The following CACNA1F variants were observed in gnomAD, a reference collection of about 807,000 sequenced individuals.
CACNA1F encodes the protein voltage-dependent L-type calcium channel subunit alpha-1F.
A neutral mutation model predicts 143.8 loss-of-function variants in CACNA1F; 59 were observed. The observed-to-expected ratio is 0.41, with a 90% CI of 0.33 to 0.51. The LOEUF (loss-of-function observed/expected upper bound fraction) is 0.51, where lower values mean the gene tolerates loss of function less well. CACNA1F is among the 20% of genes least tolerant of loss of function. CACNA1F has a pLI of 0.22. For missense variants in CACNA1F, 1,411 were observed against 1,647.5 expected (o/e 0.86, Z 2.48); for synonymous variants, 643 against 649.1 (o/e 0.99, Z 0.14).
chrX:49,216,043 C>T (rs1375366538), intron 27 of CACNA1F, among the ~76,000 whole-genome samples: 1 of 110,141 alleles, frequency 9.1e-6, no homozygotes, highest in Non-Finnish European at 1.9e-5. Context: ...TTCATCTCTT[C>T]AGAGACCAAT....
intron 42 of CACNA1F, chrX:49,209,024 A>C (rs2065628085): frequency 2.4e-6 from 1 of 410,520 alleles, no homozygotes; most frequent in Non-Finnish European, 4.2e-6. Flanking sequence ...AGGCGGTTTC[A>C]CTATTTTGCC....
Position 49,206,501 on chromosome X carries a change from A to G in CACNA1F, c.5472+10T>C, listed in dbSNP as rs2065597624. Reference sequence around the variant, plus strand: ...GACCCCAGACCCCAGCACCACCTCCACAGCCTCACCTGAGCCCTATTGGGC... The same window carrying G: ...GACCCCAGACCCCAGCACCACCTCCGCAGCCTCACCTGAGCCCTATTGGGC... On this transcript the variant is annotated intron_variant, in intron 46 of 47. Coordinates refer to ENST00000323022, the MANE Select transcript of CACNA1F (RefSeq NM_001256789.3). 8.6e-7 allele frequency: 1 copy of G among 1,162,385 alleles called. No individual in the cohort carries two copies.
chrX:49,229,109 T>C (rs2065852790), intron 6 of CACNA1F, among the ~76,000 whole-genome samples: 1 of 112,314 alleles, frequency 8.9e-6, no homozygotes, highest in Non-Finnish European at 1.9e-5. Context: ...GGTCTGAGTG[T>C]ATGAGAACAG....
At chrX:49,228,005 G>A (rs782012987) in intron 8 of CACNA1F, 31 bp downstream of exon 8, 1 of 1,046,152 alleles carries the variant, frequency 9.6e-7, no homozygotes, top group East Asian at 3.0e-5. Context: ...TGGCTGAGGG[G>A]TGGGAAGCAG....
intron 2 of CACNA1F, 85 bp downstream of exon 2, chrX:49,231,593 C>T: frequency 8.9e-7 from 1 of 1,126,549 alleles, no homozygotes; most frequent in Non-Finnish European, 1.2e-6. Flanking sequence ...CTCAGCCCTC[C>T]TCTGTTCCAG....
rs1162493386 is a variant in CACNA1F, at chrX:49,216,435, G to A, written c.3183C>T (p.Val1061=). 8.3e-7 allele frequency: 1 copy of A among 1,208,449 alleles called. No homozygotes were observed. Among genetic ancestry groups the A allele is most frequent in the Non-Finnish European group, 1.1e-6 (1 of 893,967 alleles). ...WVNSDFNFDN[V]LSAMMALFTV... ...TGAACAGGGCCATCATGGCTGAAAG[G>A]ACATTGTCAAAGTTGAAATCACTGT... The change falls in exon 27 of 48, where the codon GTC becomes GTT. Residue 1061 remains valine, a synonymous_variant. Coordinates refer to ENST00000323022, the MANE Select transcript of CACNA1F (RefSeq NM_001256789.3).
intron 1 of CACNA1F, among the ~76,000 whole-genome samples, chrX:49,232,386 A>G (rs1479949853): frequency 9.0e-6 from 1 of 111,222 alleles, no homozygotes; most frequent in Non-Finnish European, 1.9e-5. Flanking sequence ...TGGGGTTTTC[A>G]GCTAAGGCCA....
intron 30 of CACNA1F, 101 bp from the exon 31 acceptor site, chrX:49,214,003 C>T (rs1156918515): frequency 3.0e-6 from 2 of 658,875 alleles, no homozygotes; most frequent in Non-Finnish European, 4.9e-6. Context: ...CAGGGCTTCG[C>T]TTGGATCACA....
At position 49,221,039 on chromosome X, in the gene CACNA1F, C is replaced by A. The variant is rs782183517; in HGVS notation, c.2330G>T (p.Gly777Val). Reference protein sequence around the residue: ...NEKDLPQENEGLVPGVEKEEE... With the variant: ...NEKDLPQENEVLVPGVEKEEE... The stretch of plus-strand genomic sequence containing the variant: ...GTGCCCAGGCATCTAACTCACCAGG[C>A]CTTCATTCTCCTGTGGGAGATCCTT... The change falls in exon 18 of 48, where the codon GGC (glycine) becomes GTC (valine). Residue 777 changes from glycine (G) to valine (V), a missense_variant. This residue lies in a region of CACNA1F where 950 missense variants were observed against 1,128.1 expected (regional missense o/e 0.84). Coordinates refer to ENST00000323022, the MANE Select transcript of CACNA1F (RefSeq NM_001256789.3). The A allele has an allele frequency of 6.6e-6, 8 of 1,207,228 alleles. No individual in the cohort carries two copies. The highest frequency in any genetic ancestry group is 9.0e-6 in the Non-Finnish European group (8 of 891,264).
rs2065672183 is a variant in CACNA1F at position 49,212,871 on chromosome X, C to T, written c.3814-76G>A. ...TCTCCCTATCTCATGCTTTGGCCCT[C>T]CCAGTACCCAAATCACTCAGGCCCT... On this transcript the variant is annotated intron_variant, in intron 32 of 47. Coordinates refer to ENST00000323022, the MANE Select transcript of CACNA1F (RefSeq NM_001256789.3). The T allele has an allele frequency of 6.8e-6, 8 of 1,172,701 alleles. No homozygotes were observed. The East Asian group carries it at 9.0e-5, about 13-fold the overall frequency.
chrX:49,206,817 C>T lies in CACNA1F; in HGVS notation c.5270G>A (p.Cys1757Tyr), dbSNP rs782253898. The T allele has an allele frequency of 1.6e-5, 19 of 1,206,606 alleles. No individual in the cohort carries two copies. The highest frequency in any genetic ancestry group is 2.1e-5 in the Non-Finnish European group (19 of 892,342). Residue 1757 changes from cysteine to tyrosine, a missense_variant, in exon 45 of 48, where the codon TGC becomes TAC. Physicochemically the swap from Cys to Tyr is radical, Grantham distance 194. Transcript: ENST00000323022. ...TCTGTGAGGTGGCAAAAGGACTGAG[C>T]ACGGGGGAGTCCCTGCCTGCTCATC... is the stretch of plus-strand genomic sequence containing the variant. ...YLDEQAGTPPCSVLLPPHRAQ... is the reference protein window; with the variant it reads ...YLDEQAGTPPYSVLLPPHRAQ...
In CACNA1F at chrX:49,205,780, G is replaced by A. The variant is rs782002634; in HGVS notation, c.5506C>T (p.Leu1836Phe). The change falls in exon 47 of 48, where the codon CTC becomes TTC. Residue 1836 changes from leucine to phenylalanine, a missense_variant. Physicochemically the swap from Leu to Phe is conservative, Grantham distance 22. Around this residue, in one of 3 missense-constraint regions of CACNA1F, gnomAD observed 349 missense variants for 350.2 expected, o/e 1.00. Coordinates refer to ENST00000323022, the MANE Select transcript of CACNA1F (RefSeq NM_001256789.3). ...ACCAACAACAGCGGGGCATACAGGA[G>A]CCGACCCCGCTGAGGTGGTGTTGCC... is the stretch of plus-strand genomic sequence containing the variant. ...SWATPPQRGR[L>F]LYAPLLLVEE... 10 of 1,201,773 alleles carry A rather than the reference G, an allele frequency of 8.3e-6. No homozygotes were observed. Among genetic ancestry groups the A allele is most frequent in the East Asian group, 6.0e-5 (2 of 33,296 alleles).
Position 49,230,287 on chromosome X carries a change from AATG to A in CACNA1F, c.747_749del (p.Ile250del). ...ACAGCTCGAGCCCAATGATGGCATA[AATG>A]ATGATGACGAAGAGCACGAGCAGTG... On this transcript the variant is annotated inframe_deletion, in exon 6 of 48. Coordinates refer to ENST00000323022, the MANE Select transcript of CACNA1F (RefSeq NM_001256789.3). The A allele has an allele frequency of 2.5e-6, 3 of 1,207,305 alleles. No homozygotes were observed. The highest frequency in any genetic ancestry group is 2.2e-6 in the Non-Finnish European group (2 of 892,733).
chrX:49,224,791 A>C lies in CACNA1F; in HGVS notation c.1847T>G (p.Val616Gly). 1 of 1,187,508 alleles carries C rather than the reference A, an allele frequency of 8.4e-7. No homozygotes were observed. Among genetic ancestry groups the C allele is most frequent in the Non-Finnish European group, 1.1e-6 (1 of 881,907 alleles). The change falls in exon 14 of 48, where the codon GTG (valine) becomes GGG (glycine). Residue 616 changes from valine to glycine, a missense_variant. Coordinates refer to ENST00000323022, the MANE Select transcript of CACNA1F (RefSeq NM_001256789.3). ...GACCTTAAAGATCCTGAGGAGGCGC[A>C]CACATCGGAGCACTGAGATGCCCAA... ...QPLGISVLRC[V>G]RLLRIFKVTR...
rs1557108372 is a variant in CACNA1F at position 49,219,635 on chromosome X, G to A, written c.2542C>T (p.Pro848Ser). The A allele has an allele frequency of 8.3e-7, 1 of 1,202,145 alleles. No individual in the cohort carries two copies. The highest frequency in any genetic ancestry group is 1.1e-6 in the Non-Finnish European group (1 of 890,546). ...CCCCCTGCCACTTCCGGCACTCACG[G>A]GTTGGTTTGGCTGAGGCAGAAGAAG... ...SAFFCLSQTN[P>S]LRKGCHTLIH... is the part of the protein sequence containing the mutation. Residue 848 changes from proline to serine, a missense_variant and splice_region_variant, in exon 20 of 48, where the codon CCG becomes TCG. By Grantham distance (74) the Pro-to-Ser change is moderately conservative (BLOSUM62 -1). Transcript: ENST00000323022.
intron 21 of CACNA1F, among the ~76,000 whole-genome samples, 160 bp downstream of exon 21, chrX:49,219,161 C>T (rs1161208009): frequency 2.7e-5 from 3 of 111,794 alleles, no homozygotes; most frequent in Admixed American, 1.9e-4. Flanking sequence ...CCGTGTGTTG[C>T]ACATGCCGTA....
At position 49,224,787 on chromosome X, in the gene CACNA1F, G is replaced by A. The variant is rs782075823; in HGVS notation, c.1851C>T (p.Arg617=). 8.5e-7 allele frequency: 1 copy of A among 1,183,033 alleles called. No individual in the cohort carries two copies. The highest frequency in any genetic ancestry group is 1.1e-6 in the Non-Finnish European group (1 of 878,892). ...TGGTGACCTTAAAGATCCTGAGGAG[G>A]CGCACACATCGGAGCACTGAGATGC... The part of the protein sequence containing the change: ...PLGISVLRCV[R]LLRIFKVTRH... The change falls in exon 14 of 48, where the codon CGC becomes CGT. Residue 617 remains arginine (R), a synonymous_variant. Coordinates refer to ENST00000323022, the MANE Select transcript of CACNA1F (RefSeq NM_001256789.3).
chrX:49,218,643 G>T lies in CACNA1F; in HGVS notation c.2826C>A (p.Ile942=). ...CTGTCACTTACTGGATGCCAAAGGA[G>T]ATGAGGGACACACTGACCACCAGCA... The part of the protein sequence containing the change: ...LDLLVVSVSL[I]SFGIHSSAIS... Residue 942 remains isoleucine (I), a synonymous_variant, in exon 23 of 48, where the codon ATC becomes ATA. Coordinates refer to ENST00000323022, the MANE Select transcript of CACNA1F (RefSeq NM_001256789.3). 1 of 1,202,234 alleles carries T rather than the reference G, an allele frequency of 8.3e-7. No individual in the cohort carries two copies.
In CACNA1F at chrX:49,226,611, A is replaced by G. The variant is rs1206732988; in HGVS notation, c.1368T>C (p.His456=). Residue 456 remains histidine, a splice_region_variant and synonymous_variant, in exon 10 of 48, where the codon CAT becomes CAC. Transcript: ENST00000323022. Reference sequence around the variant, plus strand: ...ACCCCAGCCTGGCTGGACCCCCACCATGGCTGCTGGTGGAGTGTGTGGAGC... The same window carrying G: ...ACCCCAGCCTGGCTGGACCCCCACCGTGGCTGCTGGTGGAGTGTGTGGAGC... ...STRSTHSTSS[H]ASLPASDTGS... is the part of the protein sequence containing the mutation. 6.5e-5 allele frequency: 76 copies of G among 1,175,535 alleles called. No homozygotes were observed. The highest frequency in any genetic ancestry group is 8.2e-5 in the Non-Finnish European group (72 of 877,443).
Sources: gnomAD v4.1 joint callset for allele counts (sites outside exome capture counted in the v4.1 genomes callset) on GRCh38, gnomAD v4.1.1 for gene constraint, gnomAD v4.1.1 regional missense constraint, MANE v1.5 for transcripts, NCBI Gene and HGNC (gene_info 2026-07-23, HGNC 2026-07-21) for gene names.